The following ZC2HC1B variants were observed in gnomAD, a reference collection of about 807,000 sequenced individuals.
ZC2HC1B encodes zinc finger C2HC domain-containing protein 1B.
A neutral mutation model predicts 31.0 loss-of-function variants in ZC2HC1B; 36 were observed. The observed-to-expected ratio is 1.16, with a 90% CI of 0.89 to 1.54. The LOEUF is 1.54. Among genes scored for constraint, ZC2HC1B ranks in the 40% most tolerant of loss-of-function variants. The pLI is 0.00. For missense variants in ZC2HC1B, 260 were observed against 268.6 expected (o/e 0.97, Z 0.22); for synonymous variants, 73 against 88.0 (o/e 0.83, Z 0.95).
Position 143,865,509 on chromosome 6 carries a change from C to T in ZC2HC1B, c.28+942C>T, listed in dbSNP as rs1008421799. 6.6e-6 allele frequency among the ~76,000 whole-genome samples: 1 copy of T among 152,172 alleles called. No homozygotes were observed. The highest frequency in any genetic ancestry group is 2.4e-5 in the African/African-American group (1 of 41,420). ...ACGCATCCCTCCCCTGCATCCTTGA[C>T]CCTCCTTCCCTGGTTTATGTTCTCC... On this transcript the variant is annotated intron_variant, in intron 1 of 7. Coordinates refer to ENST00000237275, the MANE Select transcript of ZC2HC1B (RefSeq NM_001013623.3). The surrounding 1 kb of genome is among the most constrained non-coding windows in gnomAD (Gnocchi z 4.4).
chr6:143,893,887 C>T (rs1014565013), intron 4 of ZC2HC1B, among the ~76,000 whole-genome samples: 1 of 152,042 alleles, frequency 6.6e-6, no homozygotes, highest in East Asian at 1.9e-4. Flanking sequence ...AGGATTTCAC[C>T]GTGTTAGCCA....
intron 1 of ZC2HC1B, among the ~76,000 whole-genome samples, chr6:143,867,005 T>C (rs887089503): frequency 6.6e-6 from 1 of 152,210 alleles, no homozygotes; most frequent in Admixed American, 6.5e-5. Context: ...AGACAACAAA[T>C]AGAAAATACC....
In ZC2HC1B at chr6:143,899,915, A is replaced by G. The variant is rs893320023; in HGVS notation, c.489+1224A>G. Among the ~76,000 whole-genome samples, 4 of 152,244 alleles carry G rather than the reference A, an allele frequency of 2.6e-5. No individual in the cohort carries two copies. The highest frequency in any genetic ancestry group is 7.2e-5 in the African/African-American group (3 of 41,464). The stretch of plus-strand genomic sequence containing the variant: ...TACAGTTGGCATATATAGGAGAGCT[A>G]TGGAAGAAGAAGTCACTGCAATTCC... On this transcript the variant is annotated intron_variant, in intron 5 of 7. Coordinates refer to ENST00000237275, the MANE Select transcript of ZC2HC1B (RefSeq NM_001013623.3). This position sits in a 1 kb window ranked among gnomAD's most constrained non-coding sequence, Gnocchi z 5.0.
At chr6:143,898,518 G>A (rs780698876) in intron 4 of ZC2HC1B, 34 bp from the exon 5 acceptor site, 1 of 1,548,784 alleles carries the variant, frequency 6.5e-7, no homozygotes, top group Non-Finnish European at 8.7e-7. Flanking sequence ...TTTTTGAAGT[G>A]CTAATTGCCA....
In ZC2HC1B at chr6:143,864,476, T is replaced by C; in HGVS notation, c.-64T>C. ...GGTCCTGGTTTATGTTCTTGACTAG[T>C]ATGATGTTATCTGGACTGGGCTGTA... On this transcript the variant is annotated 5_prime_UTR_variant, in exon 1 of 8. Transcript: ENST00000237275. 2 of 1,510,318 alleles carry C rather than the reference T, an allele frequency of 1.3e-6. No homozygotes were observed. The highest frequency in any genetic ancestry group is 1.8e-6 in the Non-Finnish European group (2 of 1,110,858). The allele number at this position is 1,510,318 out of a possible 1,614,324, so 93.6% of individuals were successfully genotyped here. A position where few individuals can be genotyped will look rare whatever the true frequency, so the allele number is the denominator to read the frequency against.
At chr6:143,906,747 C>CTT (rs34216042) in intron 6 of ZC2HC1B, among the ~76,000 whole-genome samples, 58 of 146,742 alleles carry the variant, frequency 4.0e-4, no homozygotes, top group African/African-American at 1.4e-3. Context: ...CCCAGCCCCT[C>CTT]TTTTTTTTTT....
At chr6:143,927,237 T>C (rs1778063969) in intron 6 of ZC2HC1B, among the ~76,000 whole-genome samples, 1 of 152,168 alleles carries the variant, frequency 6.6e-6, no homozygotes, top group Non-Finnish European at 1.5e-5. Flanking sequence ...GGGCTTTTAG[T>C]GTAACCATCA....
rs1207470640 is a variant in ZC2HC1B, at chr6:143,918,947, A to T, written c.598+15795A>T. Among the ~76,000 whole-genome samples, 2 of 151,814 alleles carry T rather than the reference A, an allele frequency of 1.3e-5. No individual in the cohort carries two copies. The highest frequency in any genetic ancestry group is 2.9e-5 in the Non-Finnish European group (2 of 67,952). ...GTGGATATTTCCATTTTGTTCATAG[A>T]TCTTTTTCTTGAGTCTCTTCACATC... On this transcript the variant is annotated intron_variant, in intron 6 of 7. Transcript: ENST00000237275. The surrounding 1 kb of genome is among the most constrained non-coding windows in gnomAD (Gnocchi z 4.1).
chr6:143,866,551 A>G (rs1777265736), intron 1 of ZC2HC1B, among the ~76,000 whole-genome samples: 1 of 152,224 alleles, frequency 6.6e-6, no homozygotes, highest in East Asian at 1.9e-4. Context: ...TTACTTTACA[A>G]GTCTAAGTGT....
At chr6:143,916,092 G>T (rs1159540695) in intron 6 of ZC2HC1B, among the ~76,000 whole-genome samples, 1 of 152,148 alleles carries the variant, frequency 6.6e-6, no homozygotes, top group Non-Finnish European at 1.5e-5. Context: ...ATGGTTTTGT[G>T]GGCCAAGCCC....
chr6:143,896,127 G>A (rs929372772), intron 4 of ZC2HC1B, among the ~76,000 whole-genome samples: 15 of 152,196 alleles, frequency 9.9e-5, no homozygotes, highest in African/African-American at 3.6e-4. Context: ...TGTTCCTTCT[G>A]TAGGGTCCCA....
chr6:143,885,908 A>C lies in ZC2HC1B; in HGVS notation c.91-124A>C. 2 of 1,095,076 alleles carry C rather than the reference A, an allele frequency of 1.8e-6. No homozygotes were observed. Among genetic ancestry groups the C allele is most frequent in the Non-Finnish European group, 2.4e-6 (2 of 823,302 alleles). The allele number at this position is 1,095,076 out of a possible 1,614,324, so 67.8% of individuals were successfully genotyped here. A position where few individuals can be genotyped will look rare whatever the true frequency, so the allele number is the denominator to read the frequency against. On this transcript the variant is annotated intron_variant, in intron 2 of 7. Transcript: ENST00000237275. This position sits in a 1 kb window ranked among gnomAD's most constrained non-coding sequence, Gnocchi z 4.2. Reference sequence around the variant, plus strand: ...TGGATTTGCTCTGCTGTGACCTGTTAGAGAATGAACTAGGCTCTGAGGAGC... The same window carrying C: ...TGGATTTGCTCTGCTGTGACCTGTTCGAGAATGAACTAGGCTCTGAGGAGC...
At chr6:143,936,955 G>T (rs1778186131) in intron 6 of ZC2HC1B, among the ~76,000 whole-genome samples, 1 of 152,256 alleles carries the variant, frequency 6.6e-6, no homozygotes, top group East Asian at 1.9e-4. Flanking sequence ...TTGAGAGTTT[G>T]ATTCACAATT....
rs1160125503 is a variant in ZC2HC1B, at chr6:143,885,011, A to G, written c.90+646A>G. Among the ~76,000 whole-genome samples, 1 of 152,158 alleles carries G rather than the reference A, an allele frequency of 6.6e-6. No homozygotes were observed. The highest frequency in any genetic ancestry group is 2.4e-5 in the African/African-American group (1 of 41,444). On this transcript the variant is annotated intron_variant, in intron 2 of 7. Coordinates refer to ENST00000237275, the MANE Select transcript of ZC2HC1B (RefSeq NM_001013623.3). The surrounding 1 kb of genome is among the most constrained non-coding windows in gnomAD (Gnocchi z 4.2). ...GGGAATCAAATAGATGGTATGCCCC[A>G]ATATTATAAAGGGGTTCCCAAGAAA... is the stretch of plus-strand genomic sequence containing the variant.
In ZC2HC1B at chr6:143,905,541, C is replaced by T. The variant is rs1282592972; in HGVS notation, c.598+2389C>T. 6.6e-6 allele frequency among the ~76,000 whole-genome samples: 1 copy of T among 152,094 alleles called. No individual in the cohort carries two copies. The highest frequency in any genetic ancestry group is 1.5e-5 in the Non-Finnish European group (1 of 68,010). ...ACTTCCTCCTTTCCAATTTGGATGC[C>T]TTTTAATTTTTTTCTTCCTAATTGC... On this transcript the variant is annotated intron_variant, in intron 6 of 7. Coordinates refer to ENST00000237275, the MANE Select transcript of ZC2HC1B (RefSeq NM_001013623.3). This position sits in a 1 kb window ranked among gnomAD's most constrained non-coding sequence, Gnocchi z 4.2.
At chr6:143,904,515 A>C (rs1288683203) in intron 6 of ZC2HC1B, among the ~76,000 whole-genome samples, 1 of 152,124 alleles carries the variant, frequency 6.6e-6, no homozygotes. Flanking sequence ...GCATGTGCCA[A>C]CATGCCCAGA....
Position 143,924,837 on chromosome 6 carries a change from T to C in ZC2HC1B, c.599-12812T>C, listed in dbSNP as rs1778016471. ...TTATTGACTTGCATGGGTGGAACCA[T>C]CCTTTCATCTGATGTATTATCCTTT... On this transcript the variant is annotated intron_variant, in intron 6 of 7. Coordinates refer to ENST00000237275, the MANE Select transcript of ZC2HC1B (RefSeq NM_001013623.3). This position sits in a 1 kb window ranked among gnomAD's most constrained non-coding sequence, Gnocchi z 5.2. Among the ~76,000 whole-genome samples the C allele has an allele frequency of 6.6e-6, 1 of 152,214 alleles. No homozygotes were observed. Among genetic ancestry groups the C allele is most frequent in the Non-Finnish European group, 1.5e-5 (1 of 68,028 alleles).
In ZC2HC1B at chr6:143,932,250, T is replaced by G. The variant is rs568673887; in HGVS notation, c.599-5399T>G. Among the ~76,000 whole-genome samples, 8 of 152,352 alleles carry G rather than the reference T, an allele frequency of 5.3e-5. No homozygotes were observed. The East Asian group carries it at 1.4e-3, about 26-fold the overall frequency. Reference sequence around the variant, plus strand: ...TTTTCCTCAATTATCATCACAAATATGTCTTCCAAGAAGATTTCTCTTCTT... The same window carrying G: ...TTTTCCTCAATTATCATCACAAATAGGTCTTCCAAGAAGATTTCTCTTCTT... On this transcript the variant is annotated intron_variant, in intron 6 of 7. Transcript: ENST00000237275.
chr6:143,931,712 C>A (rs1200027612), intron 6 of ZC2HC1B, among the ~76,000 whole-genome samples: 1 of 152,106 alleles, frequency 6.6e-6, no homozygotes, highest in Non-Finnish European at 1.5e-5. Context: ...AATCTGATAT[C>A]TTTTCCTTTA....
Sources: gnomAD v4.1 joint callset for allele counts (sites outside exome capture counted in the v4.1 genomes callset) on GRCh38, gnomAD v4.1.1 for gene constraint, Gnocchi (gnomAD v3.1) non-coding constraint, MANE v1.5 for transcripts, NCBI Gene and HGNC (gene_info 2026-07-23, HGNC 2026-07-21) for gene names.